Variants in PRKN observed in about 807,000 individuals in gnomAD.
PRKN encodes E3 ubiquitin-protein ligase parkin.
Under a neutral mutation model 59.5 loss-of-function variants are expected in PRKN, and 56 were observed. That is an observed-to-expected ratio of 0.94 (90% CI 0.76 to 1.18). The LOEUF (loss-of-function observed/expected upper bound fraction) is 1.18, where lower values mean the gene tolerates loss of function less well. Among genes scored for constraint, PRKN ranks in the 50% most tolerant of loss-of-function variants. The pLI, the probability that PRKN is intolerant of heterozygous loss-of-function variation, is 0.00. For missense variants in PRKN, 657 were observed against 596.4 expected (o/e 1.10, Z -1.06); for synonymous variants, 250 against 222.1 (o/e 1.13, Z -1.12).
chr6:161,384,945 G>T (rs1001265127), intron 10 of PRKN, among the ~76,000 whole-genome samples: 2 of 152,180 alleles, frequency 1.3e-5, no homozygotes, highest in African/African-American at 2.4e-5. Context: ...TTTTTGAGGG[G>T]GTGGGGATGG....
At chr6:162,565,719 T>TACATACAC (rs1378753547) in intron 1 of PRKN, among the ~76,000 whole-genome samples, 1 of 151,252 alleles carries the variant, frequency 6.6e-6, no homozygotes, top group East Asian at 2.0e-4. Context: ...CATACATACA[T>TACATACAC]ACATACATAC....
chr6:162,299,971 C>G (rs1781867332), intron 2 of PRKN, among the ~76,000 whole-genome samples: 1 of 152,232 alleles, frequency 6.6e-6, no homozygotes, highest in South Asian at 2.1e-4. Flanking sequence ...TTTCCACATA[C>G]TTAGTGCTGA....
rs1197494746 is a variant in PRKN, at chr6:161,371,593, C to A, written c.1168-11388G>T. On this transcript the variant is annotated intron_variant, in intron 10 of 11. Transcript: ENST00000366898. The surrounding 1 kb of genome is among the most constrained non-coding windows in gnomAD (Gnocchi z 5.5). Reference sequence around the variant, plus strand: ...AGGCTACTCCACTAAGCTCCAAACTCCCCAAGCCATGCTTTAGAATGCAAT... The same window carrying A: ...AGGCTACTCCACTAAGCTCCAAACTACCCAAGCCATGCTTTAGAATGCAAT... 6.6e-6 allele frequency among the ~76,000 whole-genome samples: 1 copy of A among 152,098 alleles called. No homozygotes were observed. The highest frequency in any genetic ancestry group is 1.5e-5 in the Non-Finnish European group (1 of 68,030).
chr6:162,709,964 T>C lies in PRKN; in HGVS notation c.7+17698A>G, dbSNP rs191372172. On this transcript the variant is annotated intron_variant, in intron 1 of 11. Coordinates refer to ENST00000366898, the MANE Select transcript of PRKN (RefSeq NM_004562.3). ...GCTAATGAGGCTAAGAGAGGCAAGA[T>C]TGAAATGAGTATGTAAACGGAACCG... Among the ~76,000 whole-genome samples, 8 of 152,146 alleles carry C rather than the reference T, an allele frequency of 5.3e-5. No individual in the cohort carries two copies. The East Asian group carries it at 1.2e-3, about 22-fold the overall frequency.
rs535998285 is a variant in PRKN at position 162,007,673 on chromosome 6, GACA to G, written c.619-34259_619-34257del. ...CTGCTCATCACAACAAATTCTGGCAGACAACATTATTACCTTAATGATATGATA... is the reference window on the plus strand; with the variant it reads ...CTGCTCATCACAACAAATTCTGGCAGACATTATTACCTTAATGATATGATA... On this transcript the variant is annotated intron_variant, in intron 5 of 11. Transcript: ENST00000366898. Among the ~76,000 whole-genome samples the G allele has an allele frequency of 5.2e-3, 788 of 151,958 alleles. 2 individuals carry two copies. Among genetic ancestry groups the G allele is most frequent in the Non-Finnish European group, 7.8e-3 (533 of 67,976 alleles).
intron 9 of PRKN, among the ~76,000 whole-genome samples, chr6:161,536,127 A>C (rs1779405434): frequency 6.6e-6 from 1 of 152,138 alleles, no homozygotes; most frequent in Non-Finnish European, 1.5e-5. Context: ...GGTCATTATT[A>C]AGAGAAATAA....
chr6:162,279,861 T>C lies in PRKN; in HGVS notation c.172-17096A>G, dbSNP rs528084158. On this transcript the variant is annotated intron_variant, in intron 2 of 11. Coordinates refer to ENST00000366898, the MANE Select transcript of PRKN (RefSeq NM_004562.3). ...TTTTATGAATATGGGTGCTGCTGTA[T>C]TGGGTGCATATATATTTAGGATAGT... is the stretch of plus-strand genomic sequence containing the variant. Among the ~76,000 whole-genome samples, 4 of 152,304 alleles carry C rather than the reference T, an allele frequency of 2.6e-5. 1 individual carries two copies. The South Asian group carries it at 6.2e-4, about 24-fold the overall frequency.
rs531884018 is a variant in PRKN at position 161,416,857 on chromosome 6, C to T, written c.1084-29980G>A. On this transcript the variant is annotated intron_variant, in intron 9 of 11. Coordinates refer to ENST00000366898, the MANE Select transcript of PRKN (RefSeq NM_004562.3). ...GGGGCCTTGGCGTTTTGAAGACTCC[C>T]CCATCTAGACGTCCAGCAGATGCTG... 1.0e-3 allele frequency among the ~76,000 whole-genome samples: 159 copies of T among 152,254 alleles called. 1 individual carries two copies. The highest frequency in any genetic ancestry group is 1.6e-3 in the Non-Finnish European group (111 of 68,020).
At chr6:161,392,046 TA>T (rs1786525523) in intron 9 of PRKN, among the ~76,000 whole-genome samples, 1 of 152,016 alleles carries the variant, frequency 6.6e-6, no homozygotes, top group Admixed American at 6.5e-5. Context: ...ATATTTGATA[TA>T]AGCATCCTGC....
chr6:162,711,442 A>G (rs1778533860), intron 1 of PRKN, among the ~76,000 whole-genome samples: 2 of 148,496 alleles, frequency 1.3e-5, no homozygotes, highest in Admixed American at 1.3e-4. Flanking sequence ...AAAACCAGGA[A>G]AAGTCATGTG....
intron 1 of PRKN, 53 bp from the exon 2 acceptor site, chr6:162,443,526 T>G (rs1790164890): frequency 1.3e-6 from 2 of 1,544,976 alleles, no homozygotes; most frequent in Middle Eastern, 1.7e-4. Context: ...CTCGAAGCCC[T>G]TAAATGGTGA....
chr6:162,018,650 T>C (rs1292543064), intron 5 of PRKN, among the ~76,000 whole-genome samples: 3 of 152,184 alleles, frequency 2.0e-5, no homozygotes, highest in South Asian at 4.1e-4. Flanking sequence ...GAACTGATCA[T>C]TTCAAAGTGA....
In PRKN at chr6:162,657,622, T is replaced by C. The variant is rs187289629; in HGVS notation, c.7+70040A>G. On this transcript the variant is annotated intron_variant, in intron 1 of 11. Coordinates refer to ENST00000366898, the MANE Select transcript of PRKN (RefSeq NM_004562.3). The stretch of plus-strand genomic sequence containing the variant: ...GTTGTTTTTGCCATATTTTCAATGA[T>C]AATTTTTAAAAATTACACTTGGTAA... 1.2e-4 allele frequency among the ~76,000 whole-genome samples: 19 copies of C among 152,354 alleles called. No individual in the cohort carries two copies. In the East Asian group the frequency reaches 2.9e-3, roughly 23 times the overall value.
intron 1 of PRKN, among the ~76,000 whole-genome samples, chr6:162,504,860 C>A (rs760918110): frequency 3.3e-5 from 5 of 151,750 alleles, no homozygotes; most frequent in Non-Finnish European, 7.4e-5. Flanking sequence ...AAAAAAAGGC[C>A]CAAGGGAAAA....
chr6:161,908,020 G>A (rs957364063), intron 6 of PRKN, among the ~76,000 whole-genome samples: 1 of 152,102 alleles, frequency 6.6e-6, no homozygotes, highest in African/African-American at 2.4e-5. Context: ...AAAGGTTGCC[G>A]TGAGTCAAGA....
At chr6:162,525,175 G>A (rs1213646047) in intron 1 of PRKN, among the ~76,000 whole-genome samples, 1 of 152,038 alleles carries the variant, frequency 6.6e-6, no homozygotes, top group Non-Finnish European at 1.5e-5. Context: ...CCCCTTTCTA[G>A]CTCTGTGACC....
intron 1 of PRKN, among the ~76,000 whole-genome samples, chr6:162,471,648 G>A (rs984565690): frequency 6.6e-6 from 1 of 152,104 alleles, no homozygotes; most frequent in African/African-American, 2.4e-5. Flanking sequence ...ACTTTCCACA[G>A]TAAACATTAT....
intron 2 of PRKN, among the ~76,000 whole-genome samples, chr6:162,278,263 T>C (rs150518246): frequency 6.6e-6 from 1 of 152,250 alleles, no homozygotes; most frequent in East Asian, 1.9e-4. Context: ...ATTGAAAATA[T>C]CAGTAGTTGC....
intron 6 of PRKN, among the ~76,000 whole-genome samples, chr6:161,791,401 A>G (rs2128208072): frequency 6.6e-6 from 1 of 152,326 alleles, no homozygotes; most frequent in Non-Finnish European, 1.5e-5. Flanking sequence ...CATCTACAAA[A>G]ATAGCATGCG....
Sources: gnomAD v4.1 joint callset for allele counts (sites outside exome capture counted in the v4.1 genomes callset) on GRCh38, gnomAD v4.1.1 for gene constraint, Gnocchi (gnomAD v3.1) non-coding constraint, MANE v1.5 for transcripts, NCBI Gene and HGNC (gene_info 2026-07-23, HGNC 2026-07-21) for gene names.